Variants in BTN3A1 observed in about 807,000 individuals in gnomAD.
BTN3A1 encodes butyrophilin subfamily 3 member A1.
In BTN3A1, 24 loss-of-function variants were observed where a neutral mutation model predicts 43.0. The observed-to-expected ratio is 0.56, with a 90% CI of 0.40 to 0.78. The LOEUF (loss-of-function observed/expected upper bound fraction) is 0.78, where lower values mean the gene tolerates loss of function less well. Among genes scored for constraint, BTN3A1 ranks in the 30% least tolerant of loss-of-function variants. The pLI, the probability that BTN3A1 is intolerant of heterozygous loss-of-function variation, is 0.00. For synonymous variants in BTN3A1, 181 were observed against 234.7 expected (o/e 0.77, Z 2.09); for missense variants, 533 against 626.2 (o/e 0.85, Z 1.59).
chr6:26,402,741 G>A (rs934501189), intron 1 of BTN3A1, among the ~76,000 whole-genome samples: 2 of 152,050 alleles, frequency 1.3e-5, no homozygotes, highest in African/African-American at 2.4e-5. Context: ...AAAAAGAGGT[G>A]TCCTTTATAG....
At position 26,410,405 on chromosome 6, in the gene BTN3A1, G is replaced by A. The variant is rs74454563; in HGVS notation, c.964+373G>A. On this transcript the variant is annotated intron_variant, in intron 7 of 9. Coordinates refer to ENST00000289361, the MANE Select transcript of BTN3A1 (RefSeq NM_007048.6). ...CAGGGGCACATTTGTAAAGGAAGGGGGAAGAGGTAGATGAAGTGCATTCTC... is the reference window on the plus strand; with the variant it reads ...CAGGGGCACATTTGTAAAGGAAGGGAGAAGAGGTAGATGAAGTGCATTCTC... Among the ~76,000 whole-genome samples the A allele has an allele frequency of 4.6e-5, 7 of 152,220 alleles. No individual in the cohort carries two copies. In the East Asian group the frequency reaches 1.4e-3, roughly 29 times the overall value.
At chr6:26,406,552 G>C (rs2113790020) in intron 3 of BTN3A1, among the ~76,000 whole-genome samples, 1 of 152,348 alleles carries the variant, frequency 6.6e-6, no homozygotes, top group African/African-American at 2.4e-5. Context: ...TCAGTGACTA[G>C]TACACAGTCA....
At chr6:26,412,467 A>G in intron 9 of BTN3A1, 2 of 1,515,718 alleles carry the variant, frequency 1.3e-6, no homozygotes, top group East Asian at 4.9e-5. Flanking sequence ...GCCCAGTGGC[A>G]CTGTCTCAGG....
chr6:26,411,025 A>AAAAAAATT, intron 7 of BTN3A1, 84 bp from the exon 8 acceptor site: 11 of 796,972 alleles, frequency 1.4e-5, no homozygotes, highest in Non-Finnish European at 2.0e-5. Context: ...AAAAAAAAAG[A>AAAAAAATT]TTAGATGGAT....
chr6:26,411,340 G>A (rs935676506), intron 8 of BTN3A1, among the ~76,000 whole-genome samples: 1 of 152,150 alleles, frequency 6.6e-6, no homozygotes, highest in African/African-American at 2.4e-5. Context: ...TGCAAAGCCT[G>A]GCCTTGCAGC....
At chr6:26,406,598 C>G (rs1201261731) in intron 3 of BTN3A1, among the ~76,000 whole-genome samples, 3 of 152,192 alleles carry the variant, frequency 2.0e-5, no homozygotes, top group African/African-American at 7.2e-5. Context: ...GCTTCTGTGG[C>G]TCCACTAGGT....
Position 26,405,656 on chromosome 6 carries a change from A to G in BTN3A1, c.85+8A>G. 1 of 1,613,964 alleles carries G rather than the reference A, an allele frequency of 6.2e-7. No homozygotes were observed. ...TGCTCATGCCTCACTCAGGTAGGGA[A>G]CAATTCCACGCTTGTTTCTGAAGCA... On this transcript the variant is annotated splice_region_variant and intron_variant, in intron 2 of 9. Transcript: ENST00000289361.
At chr6:26,405,200 C>G (rs1408273197) in intron 1 of BTN3A1, among the ~76,000 whole-genome samples, 172 bp from the exon 2 acceptor site, 1 of 152,146 alleles carries the variant, frequency 6.6e-6, no homozygotes, top group East Asian at 1.9e-4. Flanking sequence ...CCCGGTGGAA[C>G]CAGGGAGCCC....
At position 26,409,932 on chromosome 6, in the gene BTN3A1, C is replaced by G. The variant is rs1554132392; in HGVS notation, c.937+18C>G. 3.0e-5 allele frequency: 49 copies of G among 1,614,168 alleles called. No homozygotes were observed. Among genetic ancestry groups the G allele is most frequent in the Non-Finnish European group, 4.2e-5 (49 of 1,180,020 alleles). ...GGAACTCAGTAAGTTCCCATTCCCC[C>G]AGAGACCCAGGCATGTCTTCCTGTC... On this transcript the variant is annotated intron_variant, in intron 6 of 9. Transcript: ENST00000289361.
rs1339065199 is a variant in BTN3A1 at position 26,411,538 on chromosome 6, T to A, written c.992-17T>A. ...AGAATACTGACCTTTTCCTTATCTG[T>A]GTCTCCTTCCTTTCAGAATGGAAAA... On this transcript the variant is annotated splice_polypyrimidine_tract_variant and intron_variant, in intron 8 of 9. Coordinates refer to ENST00000289361, the MANE Select transcript of BTN3A1 (RefSeq NM_007048.6). 4 of 1,613,066 alleles carry A rather than the reference T, an allele frequency of 2.5e-6. No homozygotes were observed. Among genetic ancestry groups the A allele is most frequent in the Non-Finnish European group, 3.4e-6 (4 of 1,179,314 alleles).
Position 26,414,113 on chromosome 6 carries a change from G to A in BTN3A1, c.*421G>A. ...TGAGTGCTGTGTTATGAGCTTTGGT[G>A]GATGTCACTCCTTTAATCCTCGCAA... On this transcript the variant is annotated 3_prime_UTR_variant, in exon 10 of 10. Coordinates refer to ENST00000289361, the MANE Select transcript of BTN3A1 (RefSeq NM_007048.6). The A allele has an allele frequency of 4.1e-6, 1 of 244,026 alleles. No individual in the cohort carries two copies. The allele number at this position is 244,026 out of a possible 1,614,324, so 15.1% of individuals were successfully genotyped here.
In BTN3A1 at chr6:26,411,603, C is replaced by A. The variant is rs751676073; in HGVS notation, c.1018+22C>A. ...CCTGGTGAGTAAATCACTGTGTGTT[C>A]CCTGGACCAACAACCTGAGGGACTA... is the stretch of plus-strand genomic sequence containing the variant. On this transcript the variant is annotated intron_variant, in intron 9 of 9. Coordinates refer to ENST00000289361, the MANE Select transcript of BTN3A1 (RefSeq NM_007048.6). 3.1e-6 allele frequency: 5 copies of A among 1,609,590 alleles called. No individual in the cohort carries two copies. The African/African-American group carries it at 5.4e-5, about 17-fold the overall frequency.
intron 8 of BTN3A1, 139 bp downstream of exon 8, chr6:26,411,274 G>A: frequency 3.3e-6 from 4 of 1,217,594 alleles, no homozygotes; most frequent in Non-Finnish European, 4.6e-6. Context: ...TGTTGTGGGG[G>A]GTTGATTTCT....
At chr6:26,408,575 A>G (rs912486308) in intron 4 of BTN3A1, among the ~76,000 whole-genome samples, 17 of 152,362 alleles carry the variant, frequency 1.1e-4, no homozygotes, top group Middle Eastern at 6.8e-3. Context: ...GGGGCTATAT[A>G]ACAATATCTA....
chr6:26,409,835 A>T, intron 5 of BTN3A1, 59 bp from the exon 6 acceptor site: 1 of 1,613,522 alleles, frequency 6.2e-7, no homozygotes. Flanking sequence ...TTTAAGGTTA[A>T]TTTTTTAGAA....
chr6:26,410,180 A>G (rs182439959), intron 7 of BTN3A1, 148 bp downstream of exon 7: 1 of 910,778 alleles, frequency 1.1e-6, no homozygotes, highest in Non-Finnish European at 1.6e-6. Flanking sequence ...ATTCCTAGTC[A>G]TTGCCAAAAA....
chr6:26,413,772 C>G lies in BTN3A1; in HGVS notation c.*80C>G. On this transcript the variant is annotated 3_prime_UTR_variant, in exon 10 of 10. Coordinates refer to ENST00000289361, the MANE Select transcript of BTN3A1 (RefSeq NM_007048.6). Reference sequence around the variant, plus strand: ...CACCAGTAACCCCGGGCTTAGCTAACGAAAGTGGGGAGCCTCAGGCTGAAG... The same window carrying G: ...CACCAGTAACCCCGGGCTTAGCTAAGGAAAGTGGGGAGCCTCAGGCTGAAG... 1.2e-6 allele frequency: 2 copies of G among 1,602,958 alleles called. No homozygotes were observed. The highest frequency in any genetic ancestry group is 1.7e-6 in the Non-Finnish European group (2 of 1,179,758).
In BTN3A1 at chr6:26,405,318, A is replaced by G. The variant is rs1581622595; in HGVS notation, c.-192-54A>G. The G allele has an allele frequency of 6.8e-6, 4 of 587,646 alleles. No homozygotes were observed. The East Asian group carries it at 1.1e-4, about 16-fold the overall frequency. 36.4% of individuals were successfully genotyped at this position (587,646 alleles called of 1,614,324 possible). ...CTGAATATTGTTAAACAGTACAGTG[A>G]GGATTTTCTGATCGAATAACAGATG... On this transcript the variant is annotated intron_variant, in intron 1 of 9. Transcript: ENST00000289361.
rs1375868335 is a variant in BTN3A1, at chr6:26,413,440, C to T, written c.1290C>T (p.Phe430=). ...TCAAAATGACACCTGAGAATGGATT[C>T]TGGACTATGGGGCTGACTGATGGGA... ...GWVKMTPENG[F]WTMGLTDGNK... Residue 430 remains phenylalanine, a synonymous_variant, in exon 10 of 10, where the codon TTC becomes TTT. Coordinates refer to ENST00000289361, the MANE Select transcript of BTN3A1 (RefSeq NM_007048.6). 6.2e-7 allele frequency: 1 copy of T among 1,613,996 alleles called. No homozygotes were observed. The highest frequency in any genetic ancestry group is 8.5e-7 in the Non-Finnish European group (1 of 1,180,034).
Sources: gnomAD v4.1 joint callset for allele counts (sites outside exome capture counted in the v4.1 genomes callset) on GRCh38, gnomAD v4.1.1 for gene constraint, MANE v1.5 for transcripts, NCBI Gene and HGNC (gene_info 2026-07-23, HGNC 2026-07-21) for gene names.